BMP6: variants seen among roughly 807,000 people sequenced by gnomAD.
BMP6 encodes the protein bone morphogenetic protein 6.
A neutral mutation model predicts 54.1 loss-of-function variants in BMP6; 17 were observed. The ratio of observed to expected loss-of-function variants is 0.31; its 90% CI spans 0.22 to 0.47. The LOEUF is 0.47. BMP6 is among the 20% of genes least tolerant of loss of function. BMP6 has a pLI of 1.00. For synonymous variants in BMP6, 328 were observed against 291.2 expected, an observed-to-expected ratio of 1.13 and a Z score of -1.28; for missense variants, 720 against 690.4, an observed-to-expected ratio of 1.04 and a Z score of -0.48.
At chr6:7,756,474 TC>T (rs2113135238) in intron 1 of BMP6, among the ~76,000 whole-genome samples, 1 of 152,344 alleles carries the variant, frequency 6.6e-6, no homozygotes, top group African/African-American at 2.4e-5. Context: ...CTCTGTTATT[TC>T]TGAGTCTGTT....
At chr6:7,817,727 A>G (rs1393245356) in intron 1 of BMP6, among the ~76,000 whole-genome samples, 1 of 152,148 alleles carries the variant, frequency 6.6e-6, no homozygotes, top group Non-Finnish European at 1.5e-5. Flanking sequence ...GTATAATTAA[A>G]AAAAAAAACT....
At chr6:7,838,223 A>G (rs1758906341) in intron 1 of BMP6, among the ~76,000 whole-genome samples, 4 of 152,074 alleles carry the variant, frequency 2.6e-5, no homozygotes, top group Non-Finnish European at 5.9e-5. Context: ...TTTTATTATC[A>G]TTAATCTTAC....
chr6:7,876,668 C>T (rs762868267), intron 4 of BMP6, among the ~76,000 whole-genome samples: 37 of 152,142 alleles, frequency 2.4e-4, no homozygotes, highest in Non-Finnish European at 3.8e-4. Context: ...TCTGTTTAAT[C>T]TGTTAATTAG....
chr6:7,837,590 C>G (rs563862289), intron 1 of BMP6, among the ~76,000 whole-genome samples: 86 of 152,146 alleles, frequency 5.7e-4, no homozygotes, highest in African/African-American at 1.6e-3. Flanking sequence ...GGGAGCTAAG[C>G]TATGAGGATG....
At chr6:7,847,759 T>C (rs1445090593) in intron 2 of BMP6, among the ~76,000 whole-genome samples, 1 of 152,110 alleles carries the variant, frequency 6.6e-6, no homozygotes, top group Non-Finnish European at 1.5e-5. Context: ...TCTTGCAAGA[T>C]GGGCTTTTGC....
chr6:7,748,870 T>C (rs1239807765), intron 1 of BMP6, among the ~76,000 whole-genome samples: 1 of 152,220 alleles, frequency 6.6e-6, no homozygotes, highest in Non-Finnish European at 1.5e-5. Context: ...GGATTGTGAA[T>C]TTCCTGCTAT....
chr6:7,803,619 C>T (rs752158875), intron 1 of BMP6, among the ~76,000 whole-genome samples: 2 of 152,188 alleles, frequency 1.3e-5, no homozygotes, highest in Non-Finnish European at 2.9e-5. Context: ...GCCTGGTTCA[C>T]GTGGCATCCC....
chr6:7,786,115 C>T (rs1758015912), intron 1 of BMP6, among the ~76,000 whole-genome samples: 2 of 152,234 alleles, frequency 1.3e-5, no homozygotes, highest in African/African-American at 4.8e-5. Flanking sequence ...GGTCTCTAAG[C>T]TCCATCTGCA....
At chr6:7,875,062 A>G (rs1225931) in intron 4 of BMP6, among the ~76,000 whole-genome samples, 49,995 of 151,910 alleles carry the variant, frequency 0.33, 8,864 homozygotes, top group East Asian at 0.64. Flanking sequence ...TCTTGAGTCC[A>G]AAGGCTTGAG....
intron 4 of BMP6, among the ~76,000 whole-genome samples, chr6:7,872,799 C>G (rs1759549208): frequency 6.7e-6 from 1 of 148,550 alleles, no homozygotes; most frequent in South Asian, 2.1e-4. Flanking sequence ...CAATTCAATC[C>G]AATTCTTTTT....
intron 1 of BMP6, among the ~76,000 whole-genome samples, chr6:7,741,814 C>G (rs1757268663): frequency 6.6e-6 from 1 of 152,228 alleles, no homozygotes; most frequent in African/African-American, 2.4e-5. Flanking sequence ...GTCTGAAGTT[C>G]CAGCGTTGGC....
At chr6:7,815,768 A>G (rs1334763197) in intron 1 of BMP6, among the ~76,000 whole-genome samples, 1 of 152,248 alleles carries the variant, frequency 6.6e-6, no homozygotes, top group Non-Finnish European at 1.5e-5. Context: ...GGCTTAATTC[A>G]TTCCCGTTAT....
intron 4 of BMP6, among the ~76,000 whole-genome samples, chr6:7,875,392 C>T (rs951056627): frequency 6.6e-6 from 1 of 152,148 alleles, no homozygotes; most frequent in Non-Finnish European, 1.5e-5. Flanking sequence ...AATGTCTTAA[C>T]AGTTGCCAGA....
chr6:7,863,420 G>A (rs1759367992), intron 4 of BMP6, among the ~76,000 whole-genome samples: 1 of 152,062 alleles, frequency 6.6e-6, no homozygotes, highest in Non-Finnish European at 1.5e-5. Context: ...ATCTCTATAT[G>A]GTGGCCAGGA....
chr6:7,854,535 G>A (rs1400971414), intron 2 of BMP6, among the ~76,000 whole-genome samples: 2 of 152,198 alleles, frequency 1.3e-5, no homozygotes, highest in Non-Finnish European at 1.5e-5. Context: ...AGTGGCTCAC[G>A]CCTGTGATCC....
intron 1 of BMP6, among the ~76,000 whole-genome samples, chr6:7,778,379 T>C (rs1757893353): frequency 6.6e-6 from 1 of 152,226 alleles, no homozygotes; most frequent in South Asian, 2.1e-4. Context: ...AGGTAGTTGC[T>C]GTTATTCCTA....
chr6:7,795,552 A>T (rs1187435480), intron 1 of BMP6, among the ~76,000 whole-genome samples: 2 of 152,204 alleles, frequency 1.3e-5, no homozygotes, highest in African/African-American at 4.8e-5. Flanking sequence ...TCAACCCCAC[A>T]GCTGATGACA....
At chr6:7,809,943 A>T (rs1333473910) in intron 1 of BMP6, among the ~76,000 whole-genome samples, 2 of 73,016 alleles carry the variant, frequency 2.7e-5, no homozygotes, top group Admixed American at 3.5e-4. Context: ...TTGTACAAAG[A>T]GACCACTTAT....
chr6:7,834,150 G>GCT (rs954965962), intron 1 of BMP6, among the ~76,000 whole-genome samples: 2 of 150,218 alleles, frequency 1.3e-5, no homozygotes, highest in African/African-American at 4.9e-5. Flanking sequence ...AGAGAAAGTG[G>GCT]TTCTGGCTGG....
Sources: allele counts gnomAD v4.1 joint callset (sites outside exome capture counted in the v4.1 genomes callset), GRCh38; gene constraint gnomAD v4.1.1; transcripts MANE v1.5; gene names NCBI Gene and HGNC (gene_info 2026-07-23, HGNC 2026-07-21).